Variants in ROBO2 observed in about 807,000 individuals in gnomAD.
ROBO2 encodes the protein roundabout guidance receptor 2.
In ROBO2, 53 loss-of-function variants were observed where a neutral mutation model predicts 160.8. That is an observed-to-expected ratio of 0.33 (90% CI 0.26 to 0.41). The LOEUF is 0.41. Ranked by LOEUF, ROBO2 falls within the 10% of genes least tolerant of loss-of-function variation. ROBO2 has a pLI of 1.00. For missense variants in ROBO2, 1,577 were observed against 1,722.4 expected (o/e 0.92, Z 1.49); for synonymous variants, 664 against 611.7 (o/e 1.09, Z -1.26).
At chr3:76,975,810 TA>T (rs998294609) in intron 2 of ROBO2, among the ~76,000 whole-genome samples, 9 of 151,080 alleles carry the variant, frequency 6.0e-5, no homozygotes, top group East Asian at 3.9e-4. Context: ...TGCTTAGCAT[TA>T]AAAAAAAACT....
At chr3:76,307,454 C>A (rs559600179) in intron 2 of ROBO2, among the ~76,000 whole-genome samples, 1 of 151,394 alleles carries the variant, frequency 6.6e-6, no homozygotes, top group South Asian at 2.1e-4. Flanking sequence ...TTGCTGGGGC[C>A]TTCTTTTTCT....
intron 2 of ROBO2, among the ~76,000 whole-genome samples, chr3:76,384,078 T>C (rs189825827): frequency 2.6e-5 from 4 of 152,246 alleles, no homozygotes; most frequent in African/African-American, 9.6e-5. Context: ...TTGCAGATTA[T>C]AAATAAATCT....
At position 76,354,933 on chromosome 3, in the gene ROBO2, T is replaced by G. The variant is rs193107564; in HGVS notation, c.109+417331T>G. ...ATAAGTTTTATAAATCCAATTTTCC[T>G]ATTTCACAGAACTGTTAGGACCCAG... On this transcript the variant is annotated intron_variant, in intron 2 of 26. Transcript: ENST00000487694. 5.7e-3 allele frequency among the ~76,000 whole-genome samples: 866 copies of G among 152,026 alleles called. 5 individuals are homozygous for G. Among genetic ancestry groups the G allele is most frequent in the African/African-American group, 0.02 (820 of 41,528 alleles).
chr3:76,655,454 A>ATATATATATATATATATATATATATC (rs1388845500), intron 2 of ROBO2, among the ~76,000 whole-genome samples: 1 of 138,126 alleles, frequency 7.2e-6, no homozygotes, highest in Non-Finnish European at 1.6e-5. Flanking sequence ...ATATATATAT[A>ATATATATATATATATATATATATATC]TGGATTTTTT....
intron 18 of ROBO2, among the ~76,000 whole-genome samples, chr3:77,595,570 T>C (rs2094283582): frequency 6.6e-6 from 1 of 152,192 alleles, no homozygotes; most frequent in Admixed American, 6.5e-5. Context: ...AAATGATTCA[T>C]GGATGATGAA....
intron 2 of ROBO2, among the ~76,000 whole-genome samples, chr3:76,182,390 C>G (rs1239224315): frequency 1.3e-5 from 2 of 152,072 alleles, no homozygotes; most frequent in Non-Finnish European, 2.9e-5. Context: ...TTGGCTTGAA[C>G]TCTTTTAGTT....
At chr3:76,124,505 T>TAC (rs2070887969) in intron 2 of ROBO2, among the ~76,000 whole-genome samples, 1 of 152,124 alleles carries the variant, frequency 6.6e-6, no homozygotes, top group African/African-American at 2.4e-5. Context: ...CATAAATTTT[T>TAC]ACACACACCA....
At chr3:76,680,526 T>A (rs1049135874) in intron 2 of ROBO2, among the ~76,000 whole-genome samples, 1 of 151,996 alleles carries the variant, frequency 6.6e-6, no homozygotes, top group African/African-American at 2.4e-5. Flanking sequence ...CAGGAGAAGG[T>A]AGGCTGATGC....
At position 76,280,166 on chromosome 3, in the gene ROBO2, T is replaced by C. The variant is rs1265795527; in HGVS notation, c.109+342564T>C. Among the ~76,000 whole-genome samples the C allele has an allele frequency of 4.6e-5, 7 of 152,120 alleles. No individual in the cohort carries two copies. In the East Asian group the frequency reaches 1.4e-3, roughly 29 times the overall value. On this transcript the variant is annotated intron_variant, in intron 2 of 26. Transcript: ENST00000487694. ...GCAATTTCTGTTAAAGCGAATAGTC[T>C]TGATATGTATGAACATGCTTACCTA...
chr3:75,993,411 AT>A (rs1162358330), intron 2 of ROBO2, among the ~76,000 whole-genome samples: 1 of 152,066 alleles, frequency 6.6e-6, no homozygotes, highest in Non-Finnish European at 1.5e-5. Context: ...TGCATGTAAG[AT>A]TTGACTTACC....
intron 2 of ROBO2, among the ~76,000 whole-genome samples, chr3:76,670,778 A>G (rs563352430): frequency 1.1e-4 from 16 of 151,820 alleles, no homozygotes; most frequent in African/African-American, 3.9e-4. Flanking sequence ...TATAACTTAT[A>G]AATTTATTAA....
intron 2 of ROBO2, among the ~76,000 whole-genome samples, chr3:76,749,545 C>G (rs1418742364): frequency 6.6e-6 from 1 of 151,906 alleles, no homozygotes. Context: ...TAGAATTTAT[C>G]AAGAAAGAAG....
At chr3:75,939,993 G>A (rs1947973271) in intron 2 of ROBO2, among the ~76,000 whole-genome samples, 1 of 152,066 alleles carries the variant, frequency 6.6e-6, no homozygotes, top group East Asian at 1.9e-4. Flanking sequence ...TATCAGTGAA[G>A]TGTGACTCCT....
At chr3:76,282,350 A>G (rs551233675) in intron 2 of ROBO2, among the ~76,000 whole-genome samples, 2 of 152,166 alleles carry the variant, frequency 1.3e-5, no homozygotes, top group South Asian at 4.1e-4. Flanking sequence ...TTACATTGTT[A>G]GACTGTTAGT....
At chr3:75,986,324 A>G (rs1210024984) in intron 2 of ROBO2, among the ~76,000 whole-genome samples, 2 of 151,536 alleles carry the variant, frequency 1.3e-5, no homozygotes, top group Non-Finnish European at 3.0e-5. Context: ...GTACTTATTG[A>G]CCATTTCTAT....
At chr3:77,498,505 T>G (rs1301282621) in intron 5 of ROBO2, among the ~76,000 whole-genome samples, 1 of 152,184 alleles carries the variant, frequency 6.6e-6, no homozygotes, top group African/African-American at 2.4e-5. Context: ...AGTGCAAGTC[T>G]ATTTTAAGAG....
chr3:77,304,963 C>T (rs1478832129), intron 2 of ROBO2, among the ~76,000 whole-genome samples: 1 of 152,166 alleles, frequency 6.6e-6, no homozygotes, highest in Non-Finnish European at 1.5e-5. Flanking sequence ...GTTCTCTGTA[C>T]TGCATTACTT....
intron 2 of ROBO2, among the ~76,000 whole-genome samples, chr3:77,204,147 A>G (rs2083187766): frequency 6.6e-6 from 1 of 152,166 alleles, no homozygotes; most frequent in Non-Finnish European, 1.5e-5. Flanking sequence ...GGCTCCCAGC[A>G]AAACCTGGTT....
chr3:76,638,318 ATT>A (rs962453983), intron 2 of ROBO2, among the ~76,000 whole-genome samples: 1 of 152,208 alleles, frequency 6.6e-6, no homozygotes, highest in African/African-American at 2.4e-5. Flanking sequence ...TGCTCATTCC[ATT>A]TTTTAAACAT....
Sources: gnomAD v4.1 joint callset for allele counts (sites outside exome capture counted in the v4.1 genomes callset) on GRCh38, gnomAD v4.1.1 for gene constraint, MANE v1.5 for transcripts, NCBI Gene and HGNC (gene_info 2026-07-23, HGNC 2026-07-21) for gene names.